The following CFAP65 variants were observed in gnomAD, a reference collection of about 807,000 sequenced individuals.
CFAP65 encodes the protein cilia- and flagella-associated protein 65.
In CFAP65, 155 loss-of-function variants were observed where a neutral mutation model predicts 208.0. That is an observed-to-expected ratio of 0.75 (90% confidence interval 0.65 to 0.85). The LOEUF is 0.85. Ranked by LOEUF, CFAP65 falls within the 40% of genes least tolerant of loss-of-function variation. The probability of loss-of-function intolerance (pLI) is 0.00; values close to 1 mark genes in which losing one functional copy is unlikely to be tolerated. For synonymous variants in CFAP65, 970 were observed against 986.3 expected (o/e 0.98, Z 0.31); for missense variants, 2,294 against 2,451.3 (o/e 0.94, Z 1.36).
rs1463895655 is a variant in CFAP65 at position 219,013,287 on chromosome 2, G to A, written c.3929C>T (p.Pro1310Leu). ...TSTTHQFIPI[P>L]IGDTLPPRQI... Reference sequence around the variant, plus strand: ...CCGTGGGGGTAGCGTGTCACCAATGGGAATGGGGATGAACTGGTGGGTAGT... The same window carrying A: ...CCGTGGGGGTAGCGTGTCACCAATGAGAATGGGGATGAACTGGTGGGTAGT... Residue 1310 changes from proline to leucine, a missense_variant, in exon 24 of 35, where the codon CCC becomes CTC. Coordinates refer to ENST00000341552, the MANE Select transcript of CFAP65 (RefSeq NM_194302.4). 2 of 1,613,708 alleles carry A rather than the reference G, an allele frequency of 1.2e-6. No individual in the cohort carries two copies. Among genetic ancestry groups the A allele is most frequent in the African/African-American group, 1.3e-5 (1 of 74,912 alleles).
chr2:219,017,064 C>G (rs1339502020), intron 21 of CFAP65, among the ~76,000 whole-genome samples: 2 of 152,240 alleles, frequency 1.3e-5, no homozygotes, highest in African/African-American at 2.4e-5. Flanking sequence ...TCCTTCACAG[C>G]ACATATGACC....
intron 24 of CFAP65, among the ~76,000 whole-genome samples, chr2:219,011,270 CTTTTT>C (rs528817484): frequency 2.8e-5 from 3 of 107,110 alleles, no homozygotes; most frequent in Non-Finnish European, 3.9e-5. Context: ...CTTTTTCTTT[CTTTTT>C]TTTTTTTTTT....
rs769948608 is a variant in CFAP65 at position 219,019,593 on chromosome 2, C to T, written c.3386G>A (p.Arg1129His). 22 of 1,613,686 alleles carry T rather than the reference C, an allele frequency of 1.4e-5. No homozygotes were observed. Among genetic ancestry groups the T allele is most frequent in the Admixed American group, 5.0e-5 (3 of 60,014 alleles). Residue 1129 changes from arginine to histidine, a missense_variant, in exon 20 of 35, where the codon CGC becomes CAC. Arg to His is a conservative substitution (Grantham distance 29). Transcript: ENST00000341552. ...GTTAAGCAGGTCCAGAGAGAAGAGG[C>T]GCCACAGGTGCTTCCGGGTGATACC... The part of the protein sequence containing the change: ...AEGITRKHLW[R>H]LFSLDLLNSY...
intron 26 of CFAP65, 59 bp downstream of exon 26, chr2:219,010,487 C>A: frequency 6.4e-7 from 1 of 1,560,252 alleles, no homozygotes; most frequent in South Asian, 1.2e-5. Flanking sequence ...TGTCTGGCCA[C>A]CCTGGGCTCT....
Position 219,019,128 on chromosome 2 carries a change from G to A in CFAP65, c.3525C>T (p.Phe1175=), listed in dbSNP as rs80127281. Residue 1175 remains phenylalanine, a synonymous_variant, in exon 21 of 35, where the codon TTC becomes TTT. Transcript: ENST00000341552. ...GTGGGGCCTTGAATGGTGCGGCCCC[G>A]AAATTGAAGTCAAGCCTTAAAGGGG... ...VLTPLRLDFN[F]GAAPFKAPPS... The A allele has an allele frequency of 6.5e-4, 1,043 of 1,614,118 alleles. 6 individuals carry two copies. In the African/African-American group the frequency reaches 0.011, roughly 16 times the overall value.
intron 16 of CFAP65, 83 bp downstream of exon 16, chr2:219,023,124 G>T: frequency 8.3e-7 from 1 of 1,206,726 alleles, no homozygotes; most frequent in Non-Finnish European, 1.2e-6. Context: ...GGCTGCACAT[G>T]GCAAGTCTGG....
Position 219,030,067 on chromosome 2 carries a change from T to C in CFAP65, c.1303A>G (p.Thr435Ala). 4.3e-6 allele frequency: 7 copies of C among 1,614,026 alleles called. No individual in the cohort carries two copies. Among genetic ancestry groups the C allele is most frequent in the Non-Finnish European group, 5.9e-6 (7 of 1,179,992 alleles). The change falls in exon 10 of 35, where the codon ACC (threonine) becomes GCC (alanine). Residue 435 changes from threonine to alanine, a missense_variant. Physicochemically the swap from Thr to Ala is moderately conservative, Grantham distance 58. This residue lies in a region of CFAP65 where 867 missense variants were observed against 1,012.6 expected (regional missense o/e 0.86). Transcript: ENST00000341552. ...ATGGAGCAGTAGTCCACAGTTCTGG[T>C]GTCCAGAGTCTTGGGGTGGAAGAAC... is the stretch of plus-strand genomic sequence containing the variant. ...SVFFHPKTLD[T>A]RTVDYCSIMP... is the part of the protein sequence containing the mutation.
intron 9 of CFAP65, among the ~76,000 whole-genome samples, 160 bp downstream of exon 9, chr2:219,030,529 G>A (rs1325912229): frequency 1.3e-5 from 2 of 152,260 alleles, no homozygotes; most frequent in Non-Finnish European, 2.9e-5. Context: ...CCAGCCCCCA[G>A]CTGAGGAGAA....
Position 219,022,252 on chromosome 2 carries a change from G to A in CFAP65, c.2898C>T (p.Gly966=), listed in dbSNP as rs140002320. The stretch of plus-strand genomic sequence containing the variant: ...CAGCGGGGTTGGCATTTGGGGACAG[G>A]CCGGCTTCCCAGACCCACATCCCCA... ...FQVGMWVWEA[G]LSPNANPAAT... The change falls in exon 17 of 35, where the codon GGC becomes GGT. Residue 966 remains glycine, a synonymous_variant. Coordinates refer to ENST00000341552, the MANE Select transcript of CFAP65 (RefSeq NM_194302.4). 10 of 1,607,116 alleles carry A rather than the reference G, an allele frequency of 6.2e-6. No homozygotes were observed. The highest frequency in any genetic ancestry group is 4.5e-5 in the East Asian group (2 of 44,714).
intron 9 of CFAP65, 136 bp downstream of exon 9, chr2:219,030,553 G>A: frequency 8.3e-7 from 1 of 1,208,064 alleles, no homozygotes; most frequent in Admixed American, 2.3e-5. Flanking sequence ...CACACCTGTT[G>A]ACAGCTGACA....
rs989112049 is a variant in CFAP65 at position 219,031,885 on chromosome 2, G to A, written c.646-227C>T. Among the ~76,000 whole-genome samples the A allele has an allele frequency of 6.6e-6, 1 of 152,104 alleles. No homozygotes were observed. Among genetic ancestry groups the A allele is most frequent in the African/African-American group, 2.4e-5 (1 of 41,400 alleles). ...GAGGAAATGTGGGTGGGGAGTGGCA[G>A]GAAGAGGCCAAGGAATGTAGAAGGG... is the stretch of plus-strand genomic sequence containing the variant. On this transcript the variant is annotated intron_variant, in intron 6 of 34. Transcript: ENST00000341552. This position sits in a 1 kb window ranked among gnomAD's most constrained non-coding sequence, Gnocchi z 5.2.
intron 4 of CFAP65, among the ~76,000 whole-genome samples, chr2:219,037,776 A>AAGGGC (rs1948450407): frequency 6.6e-6 from 1 of 152,174 alleles, no homozygotes; most frequent in South Asian, 2.1e-4. Flanking sequence ...ACAGGGAGGC[A>AAGGGC]AGGGCAGCAC....
At chr2:219,041,546 A>C (rs1472798609), upstream of CFAP65, 31 of 1,550,330 alleles carry the variant, frequency 2.0e-5, no homozygotes, top group African/African-American at 2.2e-4. Context: ...GCGTCTTCAG[A>C]TATCCCAGGG....
rs1945811215 is a variant in CFAP65, at chr2:219,004,717, G to A, written c.5052-262C>T. 6.6e-6 allele frequency among the ~76,000 whole-genome samples: 1 copy of A among 151,484 alleles called. No individual in the cohort carries two copies. The highest frequency in any genetic ancestry group is 1.5e-5 in the Non-Finnish European group (1 of 67,958). Reference sequence around the variant, plus strand: ...GGGCAGGAACCCTGGGGAGATAGTGGACTGGCTCCAGACTCATCTGCCAGC... The same window carrying A: ...GGGCAGGAACCCTGGGGAGATAGTGAACTGGCTCCAGACTCATCTGCCAGC... On this transcript the variant is annotated intron_variant, in intron 32 of 34. Coordinates refer to ENST00000341552, the MANE Select transcript of CFAP65 (RefSeq NM_194302.4). This position sits in a 1 kb window ranked among gnomAD's most constrained non-coding sequence, Gnocchi z 4.7.
At chr2:219,012,110 C>A (rs1045925921) in intron 24 of CFAP65, among the ~76,000 whole-genome samples, 1 of 152,102 alleles carries the variant, frequency 6.6e-6, no homozygotes, top group Non-Finnish European at 1.5e-5. Context: ...GGCTCCCCAG[C>A]CTTTTTAATT....
intron 11 of CFAP65, among the ~76,000 whole-genome samples, chr2:219,028,935 T>A (rs1947837339): frequency 6.6e-6 from 1 of 152,228 alleles, no homozygotes; most frequent in South Asian, 2.1e-4. Flanking sequence ...CCGTTTGCCA[T>A]CTTGGCCAGG....
intron 9 of CFAP65, 44 bp from the exon 10 acceptor site, chr2:219,030,252 G>A (rs1447212617): frequency 1.3e-6 from 2 of 1,571,980 alleles, no homozygotes; most frequent in East Asian, 2.2e-5. Context: ...TCACAGAGCA[G>A]AGCACTGTAT....
chr2:219,009,505 A>G, intron 27 of CFAP65, 45 bp from the exon 28 acceptor site: 1 of 1,311,572 alleles, frequency 7.6e-7, no homozygotes. Context: ...CAGGGATGGA[A>G]TTGGATAGGA....
At position 219,040,536 on chromosome 2, in the gene CFAP65, AC is replaced by A; in HGVS notation, c.-21del. On this transcript the variant is annotated 5_prime_UTR_variant, in exon 2 of 35. Transcript: ENST00000341552. ...GCTCCTACCTCCAATTGTGAACTGG[AC>A]GTTCAGATGAAATCAAAGAAATGTA... is the stretch of plus-strand genomic sequence containing the variant. The A allele has an allele frequency of 6.6e-7, 1 of 1,518,950 alleles. No homozygotes were observed. Among genetic ancestry groups the A allele is most frequent in the South Asian group, 1.2e-5 (1 of 83,414 alleles). 94.1% of individuals were successfully genotyped at this position (1,518,950 alleles called of 1,614,324 possible).
Sources: allele counts gnomAD v4.1 joint callset (sites outside exome capture counted in the v4.1 genomes callset), GRCh38; gene constraint gnomAD v4.1.1; regional missense constraint gnomAD v4.1.1; non-coding constraint Gnocchi (gnomAD v3.1); transcripts MANE v1.5; gene names NCBI Gene and HGNC (gene_info 2026-07-23, HGNC 2026-07-21).